Variants in NCALD observed in about 807,000 individuals in gnomAD.
NCALD encodes neurocalcin-delta.
NCALD carries 10 observed loss-of-function variants against 18.6 expected under a neutral mutation model. That is an observed-to-expected ratio of 0.54 (90% CI 0.33 to 0.91). The LOEUF (loss-of-function observed/expected upper bound fraction) is 0.91. Ranked by LOEUF, NCALD falls within the 40% of genes least tolerant of loss-of-function variation. The pLI is 0.03. For synonymous variants in NCALD, 88 were observed against 87.4 expected (o/e 1.01, Z -0.04); for missense variants, 184 against 247.6 (o/e 0.74, Z 1.72).
intron 4 of NCALD, among the ~76,000 whole-genome samples, chr8:101,802,030 T>A (rs897826659): frequency 6.6e-6 from 1 of 152,176 alleles, no homozygotes; most frequent in African/African-American, 2.4e-5. Flanking sequence ...CTTTACAAAC[T>A]GAACGTTTGT....
chr8:101,846,942 T>C (rs1814892058), intron 4 of NCALD, among the ~76,000 whole-genome samples: 2 of 152,198 alleles, frequency 1.3e-5, no homozygotes, highest in African/African-American at 2.4e-5. Context: ...TGCATACTTA[T>C]TCCAGTAGAG....
chr8:101,978,228 C>T (rs1344797567), intron 2 of NCALD, among the ~76,000 whole-genome samples: 1 of 152,024 alleles, frequency 6.6e-6, no homozygotes, highest in African/African-American at 2.4e-5. Context: ...CTTTTTTCCC[C>T]TTTGCTAATT....
In NCALD at chr8:101,909,895, C is replaced by T. The variant is rs570893097; in HGVS notation, c.-107+5914G>A. 7.9e-5 allele frequency among the ~76,000 whole-genome samples: 12 copies of T among 152,272 alleles called. No individual in the cohort carries two copies. In the South Asian group the frequency reaches 1.0e-3, roughly 13 times the overall value. ...GACAGGGTAGACCCATAGCAAGCAA[C>T]GTATGCATCTACCTATGTGATGTGA... On this transcript the variant is annotated intron_variant, in intron 3 of 6. Coordinates refer to the NCALD transcript ENST00000311028.
At chr8:101,691,091 G>A in intron 3 of NCALD, 4 of 985,340 alleles carry the variant, frequency 4.1e-6, no homozygotes, top group Non-Finnish European at 4.8e-6. Flanking sequence ...CTCTAGGTGA[G>A]GACTGCTCTG....
chr8:102,024,407 G>A (rs1375044759), intron 1 of NCALD, among the ~76,000 whole-genome samples: 1 of 152,146 alleles, frequency 6.6e-6, no homozygotes, highest in East Asian at 1.9e-4. Flanking sequence ...TTCAAGCCCA[G>A]GAAACATGAA....
At chr8:101,951,540 A>G (rs138941219) in intron 2 of NCALD, among the ~76,000 whole-genome samples, 65 of 152,252 alleles carry the variant, frequency 4.3e-4, no homozygotes, top group African/African-American at 1.4e-3. Context: ...CTTGATTTGG[A>G]GGCACCTGGG....
chr8:102,031,178 CA>C (rs757141544), intron 1 of NCALD, among the ~76,000 whole-genome samples: 3 of 152,048 alleles, frequency 2.0e-5, no homozygotes, highest in Non-Finnish European at 4.4e-5. Flanking sequence ...CAGAGGAACA[CA>C]ATGAAATGTA....
At chr8:102,036,780 C>CA (rs141506748) in intron 1 of NCALD, among the ~76,000 whole-genome samples, 2 of 151,702 alleles carry the variant, frequency 1.3e-5, no homozygotes, top group Admixed American at 6.6e-5. Flanking sequence ...ACAACAACAA[C>CA]AAAAAAATAT....
At chr8:101,941,005 G>A (rs1052917700) in intron 2 of NCALD, among the ~76,000 whole-genome samples, 3 of 152,044 alleles carry the variant, frequency 2.0e-5, no homozygotes, top group African/African-American at 7.2e-5. Context: ...TTTCACCAAG[G>A]AACAAACCCA....
In NCALD at chr8:101,884,267, T is replaced by G. The variant is rs145544498; in HGVS notation, c.-20+2874A>C. The stretch of plus-strand genomic sequence containing the variant: ...TTATAGTCTCATAGTTCCTTGTTTT[T>G]GCTGTTGTTGTTTTCTATCATAGTA... On this transcript the variant is annotated intron_variant, in intron 4 of 6. Coordinates refer to the NCALD transcript ENST00000311028. 9.4e-3 allele frequency among the ~76,000 whole-genome samples: 1,437 copies of G among 152,332 alleles called. 10 individuals are homozygous for G. The highest frequency in any genetic ancestry group is 0.014 in the Non-Finnish European group (956 of 68,040).
At chr8:101,895,650 A>G (rs1466763390) in intron 3 of NCALD, among the ~76,000 whole-genome samples, 4 of 148,570 alleles carry the variant, frequency 2.7e-5, no homozygotes, top group Non-Finnish European at 3.0e-5. Flanking sequence ...TAAGCTGATA[A>G]GCAACTTCAG....
Position 101,877,757 on chromosome 8 carries a change from C to T in NCALD, c.-20+9384G>A, listed in dbSNP as rs906534591. Among the ~76,000 whole-genome samples, 4 of 152,058 alleles carry T rather than the reference C, an allele frequency of 2.6e-5. No homozygotes were observed. The East Asian group carries it at 7.7e-4, about 29-fold the overall frequency. Reference sequence around the variant, plus strand: ...TTGCCCCTTTTTTTCTCACCTGTTACTGCAATGATTAAATAAGTTGATATA... The same window carrying T: ...TTGCCCCTTTTTTTCTCACCTGTTATTGCAATGATTAAATAAGTTGATATA... On this transcript the variant is annotated intron_variant, in intron 4 of 6. Coordinates refer to the NCALD transcript ENST00000311028.
chr8:101,708,116 C>A lies in NCALD; in HGVS notation c.378+11136G>T, dbSNP rs907851517. ...GAACAAACCCAGACAGACTGTCCCC[C>A]AAACAGTCTCAATGCATGATGTGTG... On this transcript the variant is annotated intron_variant, in intron 2 of 3. Coordinates refer to ENST00000220931, the MANE Select transcript of NCALD (RefSeq NM_032041.3). Among the ~76,000 whole-genome samples, 32 of 152,142 alleles carry A rather than the reference C, an allele frequency of 2.1e-4. 1 individual carries two copies. Among genetic ancestry groups the A allele is most frequent in the African/African-American group, 7.7e-4 (32 of 41,420 alleles).
rs181649464 is a variant in NCALD at position 101,686,576 on chromosome 8, C to G, written c.*2733G>C. ...ACCAAAAACATGCTTTAATGCCAGG[C>G]AAGAGCTACACAGTCAACTGATTTA... On this transcript the variant is annotated 3_prime_UTR_variant, in exon 4 of 4. Coordinates refer to ENST00000220931, the MANE Select transcript of NCALD (RefSeq NM_032041.3). The G allele has an allele frequency of 1.3e-5, 2 of 152,574 alleles. No homozygotes were observed. Among genetic ancestry groups the G allele is most frequent in the Admixed American group, 1.3e-4 (2 of 15,272 alleles). The allele number at this position is 152,574 out of a possible 1,614,324, so 9.5% of individuals were successfully genotyped here.
intron 1 of NCALD, among the ~76,000 whole-genome samples, chr8:102,066,641 G>A (rs184103551): frequency 5.9e-5 from 9 of 152,322 alleles, no homozygotes; most frequent in Admixed American, 2.0e-4. Flanking sequence ...GGGAAAACCC[G>A]CAGCAAGGCA....
At chr8:101,972,078 A>G (rs1329073774) in intron 2 of NCALD, among the ~76,000 whole-genome samples, 2 of 152,194 alleles carry the variant, frequency 1.3e-5, no homozygotes, top group Non-Finnish European at 2.9e-5. Context: ...CACTAGAGGT[A>G]TGTGAGGAGG....
intron 1 of NCALD, among the ~76,000 whole-genome samples, chr8:101,784,752 T>G (rs1200759116): frequency 6.6e-6 from 1 of 151,934 alleles, no homozygotes; most frequent in Admixed American, 6.6e-5. Flanking sequence ...TGAGCTATGA[T>G]TACACCACTG....
rs1378305468 is a variant in NCALD at position 102,092,836 on chromosome 8, C to A, written c.-210+31401G>T. Among the ~76,000 whole-genome samples, 3 of 152,188 alleles carry A rather than the reference C, an allele frequency of 2.0e-5. No homozygotes were observed. In the East Asian group the frequency reaches 5.8e-4, roughly 29 times the overall value. The stretch of plus-strand genomic sequence containing the variant: ...ATTAAGACAGTTCCATTTTTCGCAC[C>A]TCTCACATCATTCCTTGTTATCACA... On this transcript the variant is annotated intron_variant, in intron 1 of 6. Coordinates refer to the NCALD transcript ENST00000311028.
At chr8:101,800,295 T>TA (rs1812791129) in intron 4 of NCALD, among the ~76,000 whole-genome samples, 1 of 152,166 alleles carries the variant, frequency 6.6e-6, no homozygotes, top group Admixed American at 6.5e-5. Flanking sequence ...CCTAGGACTC[T>TA]TGCATTCTTG....
Sources: allele counts gnomAD v4.1 joint callset (sites outside exome capture counted in the v4.1 genomes callset), GRCh38; gene constraint gnomAD v4.1.1; transcripts MANE v1.5; gene names NCBI Gene and HGNC (gene_info 2026-07-23, HGNC 2026-07-21).